Variants in ANKRD44 observed in about 807,000 individuals in gnomAD.
ANKRD44 encodes the protein serine/threonine-protein phosphatase 6 regulatory ankyrin repeat subunit B.
A neutral mutation model predicts 116.0 loss-of-function variants in ANKRD44; 35 were observed. The ratio of observed to expected loss-of-function variants is 0.30; its 90% confidence interval spans 0.23 to 0.40. The LOEUF (loss-of-function observed/expected upper bound fraction) is 0.40, where lower values mean the gene tolerates loss of function less well. Ranked by LOEUF, ANKRD44 falls within the 10% of genes least tolerant of loss-of-function variation. The pLI, the probability that ANKRD44 is intolerant of heterozygous loss-of-function variation, is 1.00. For missense variants in ANKRD44, 1,014 were observed against 1,242.6 expected, an observed-to-expected ratio of 0.82 and a Z score of 2.77; for synonymous variants, 435 against 461.8, an observed-to-expected ratio of 0.94 and a Z score of 0.74.
chr2:197,115,287 T>C (rs2078681135), intron 8 of ANKRD44, among the ~76,000 whole-genome samples: 1 of 152,248 alleles, frequency 6.6e-6, no homozygotes, highest in Admixed American at 6.5e-5. Flanking sequence ...TTACTTTGAA[T>C]GCTTGCTAAA....
At chr2:197,058,256 T>G (rs1473234471) in intron 16 of ANKRD44, among the ~76,000 whole-genome samples, 2 of 152,214 alleles carry the variant, frequency 1.3e-5, no homozygotes, top group Non-Finnish European at 2.9e-5. Context: ...CTAATAATCA[T>G]CTACTGCTTC....
chr2:197,104,813 C>G (rs1478757759), intron 9 of ANKRD44, among the ~76,000 whole-genome samples: 1 of 152,156 alleles, frequency 6.6e-6, no homozygotes, highest in African/African-American at 2.4e-5. Flanking sequence ...AAATGATTAA[C>G]AAAAATGTGT....
At chr2:196,967,785 A>G (rs1574199721) in intron 21 of ANKRD44, among the ~76,000 whole-genome samples, 1 of 152,198 alleles carries the variant, frequency 6.6e-6, no homozygotes, top group Admixed American at 6.5e-5. Flanking sequence ...TCACAGGTTT[A>G]TGCTATCTTC....
chr2:197,171,247 T>C (rs1476218643), intron 2 of ANKRD44, among the ~76,000 whole-genome samples: 1 of 151,378 alleles, frequency 6.6e-6, no homozygotes, highest in Non-Finnish European at 1.5e-5. Context: ...GGCCAAAGAG[T>C]GATGGGAGAA....
chr2:197,231,801 A>C (rs1294468822), intron 1 of ANKRD44, among the ~76,000 whole-genome samples: 1 of 152,030 alleles, frequency 6.6e-6, no homozygotes, highest in African/African-American at 2.4e-5. Context: ...ATCTGTCATG[A>C]CACTTCCATT....
At chr2:197,288,019 C>CAAAAAAAAAAAAAAAA (rs10666895) in intron 1 of ANKRD44, among the ~76,000 whole-genome samples, 1 of 81,790 alleles carries the variant, frequency 1.2e-5, no homozygotes, top group Non-Finnish European at 2.3e-5. Flanking sequence ...GACTCAGTCT[C>CAAAAAAAAAAAAAAAA]AAAAAAAAAA....
At chr2:197,182,021 G>A (rs1009107605) in intron 2 of ANKRD44, among the ~76,000 whole-genome samples, 14 of 152,118 alleles carry the variant, frequency 9.2e-5, no homozygotes, top group African/African-American at 3.4e-4. Flanking sequence ...CCCTGTTCCA[G>A]TAGGACACAG....
intron 6 of ANKRD44, among the ~76,000 whole-genome samples, chr2:197,124,788 A>C (rs1434526486): frequency 6.6e-6 from 1 of 152,146 alleles, no homozygotes; most frequent in East Asian, 1.9e-4. Flanking sequence ...GAGATCTCTC[A>C]TTTGTCAGTG....
At chr2:197,268,166 T>C (rs564634469) in intron 1 of ANKRD44, among the ~76,000 whole-genome samples, 2 of 152,340 alleles carry the variant, frequency 1.3e-5, no homozygotes, top group South Asian at 4.1e-4. Flanking sequence ...AGGTGAGGGA[T>C]ACCCCAGAAG....
intron 10 of ANKRD44, 115 bp from the exon 11 acceptor site, chr2:197,090,147 C>A: frequency 1.4e-6 from 1 of 725,226 alleles, no homozygotes; most frequent in Non-Finnish European, 2.3e-6. Context: ...TGTAGGGAGT[C>A]TTGGCTGAAA....
intron 2 of ANKRD44, among the ~76,000 whole-genome samples, chr2:197,177,619 T>C (rs1039684141): frequency 6.6e-6 from 1 of 152,160 alleles, no homozygotes; most frequent in Admixed American, 6.5e-5. Flanking sequence ...TATATATTTA[T>C]ATAAATTTTT....
intron 18 of ANKRD44, among the ~76,000 whole-genome samples, chr2:197,009,618 C>A (rs1374833924): frequency 2.0e-5 from 3 of 152,122 alleles, no homozygotes; most frequent in Non-Finnish European, 4.4e-5. Flanking sequence ...ATCTGACTGC[C>A]TTGGCCTCCC....
chr2:197,144,819 G>A (rs1326836656), intron 3 of ANKRD44, among the ~76,000 whole-genome samples: 1 of 152,056 alleles, frequency 6.6e-6, no homozygotes, highest in African/African-American at 2.4e-5. Flanking sequence ...ACAATCACTG[G>A]CCCCAGATAC....
chr2:197,261,769 C>T (rs749788322), intron 1 of ANKRD44, among the ~76,000 whole-genome samples: 6 of 152,142 alleles, frequency 3.9e-5, no homozygotes, highest in Non-Finnish European at 7.3e-5. Flanking sequence ...ATCAGAACCA[C>T]GCTTGAGATG....
chr2:197,210,141 T>G (rs1191004125), intron 1 of ANKRD44, among the ~76,000 whole-genome samples: 2 of 152,042 alleles, frequency 1.3e-5, no homozygotes, highest in African/African-American at 4.8e-5. Context: ...TTTTCTTGAC[T>G]CCTAAAAAAA....
chr2:197,002,980 C>G (rs2076139644), intron 21 of ANKRD44, among the ~76,000 whole-genome samples: 1 of 152,024 alleles, frequency 6.6e-6, no homozygotes, highest in East Asian at 1.9e-4. Flanking sequence ...TGCTTTTAGA[C>G]AGATTAAAAA....
intron 16 of ANKRD44, among the ~76,000 whole-genome samples, chr2:197,060,649 C>T (rs748914223): frequency 3.3e-5 from 5 of 152,140 alleles, no homozygotes; most frequent in South Asian, 4.1e-4. Flanking sequence ...ATTCTGCAAA[C>T]GGAAACTTCA....
intron 1 of ANKRD44, among the ~76,000 whole-genome samples, chr2:197,230,813 G>A (rs554931944): frequency 1.9e-3 from 283 of 152,136 alleles, no homozygotes; most frequent in Admixed American, 5.5e-3. Flanking sequence ...ACCATCTCCC[G>A]GGACCCCAGG....
chr2:197,143,585 T>A (rs1173951734), intron 3 of ANKRD44, among the ~76,000 whole-genome samples: 1 of 152,120 alleles, frequency 6.6e-6, no homozygotes, highest in Admixed American at 6.6e-5. Context: ...CACATTTTCT[T>A]AATCCAGTCT....
Sources: gnomAD v4.1 joint callset for allele counts (sites outside exome capture counted in the v4.1 genomes callset) on GRCh38, gnomAD v4.1.1 for gene constraint, MANE v1.5 for transcripts, NCBI Gene and HGNC (gene_info 2026-07-23, HGNC 2026-07-21) for gene names.